Variants in VWA5A observed in about 807,000 individuals in gnomAD.
The protein encoded by VWA5A is von Willebrand factor A domain-containing protein 5A.
Under a neutral mutation model 84.6 loss-of-function variants are expected in VWA5A, and 77 were observed. The observed-to-expected ratio is 0.91, with a 90% CI of 0.76 to 1.10. VWA5A has a LOEUF of 1.10. Ranked by LOEUF, VWA5A falls within the 50% of genes least tolerant of loss-of-function variation. The pLI is 0.00. For synonymous variants in VWA5A, 334 were observed against 350.1 expected, an observed-to-expected ratio of 0.95 and a Z score of 0.51; for missense variants, 973 against 963.0, an observed-to-expected ratio of 1.01 and a Z score of -0.14.
At chr11:124,139,001 A>G (rs1451918039) in intron 15 of VWA5A, among the ~76,000 whole-genome samples, 2 of 152,238 alleles carry the variant, frequency 1.3e-5, no homozygotes, top group African/African-American at 2.4e-5. Context: ...GTGTGTATCC[A>G]GTTTTCCCAA....
Position 124,137,825 on chromosome 11 carries a change from C to T in VWA5A, c.1879+557C>T, listed in dbSNP as rs140259582. Among the ~76,000 whole-genome samples the T allele has an allele frequency of 2.7e-3, 405 of 152,258 alleles. 2 individuals are homozygous for T. The highest frequency in any genetic ancestry group is 9.2e-3 in the African/African-American group (382 of 41,558). ...CCTACTTTCTATCTCTATACATTTG[C>T]CTATCCTGTCTTTATATATTTGTTC... is the stretch of plus-strand genomic sequence containing the variant. On this transcript the variant is annotated intron_variant, in intron 15 of 18. Transcript: ENST00000456829.
Position 124,117,503 on chromosome 11 carries a change from T to C in VWA5A, c.-9T>C. The C allele has an allele frequency of 6.2e-7, 1 of 1,614,224 alleles. No homozygotes were observed. ...TGATATGTCTTTTCTGCAGAAATCT[T>C]GCATCACCATGGTGCACTTCTGTGG... On this transcript the variant is annotated 5_prime_UTR_variant, in exon 3 of 19. Coordinates refer to ENST00000456829, the MANE Select transcript of VWA5A (RefSeq NM_001130142.2).
In VWA5A at chr11:124,141,680, A is replaced by G; in HGVS notation, c.1962A>G (p.Thr654=). The change falls in exon 16 of 19, where the codon ACA becomes ACG. Residue 654 remains threonine, a synonymous_variant. Transcript: ENST00000456829. The part of the protein sequence containing the change: ...RGELMCYKAK[T]FQMDDYSLCG... The stretch of plus-strand genomic sequence containing the variant: ...AACTTATGTGTTATAAGGCCAAGAC[A>G]TTCCAGATGGACGATTACAGTCTCT... 6.2e-7 allele frequency: 1 copy of G among 1,614,166 alleles called. No homozygotes were observed. The highest frequency in any genetic ancestry group is 8.5e-7 in the Non-Finnish European group (1 of 1,180,042).
At chr11:124,136,425 A>T in intron 13 of VWA5A, 132 bp downstream of exon 13, 1 of 1,448,018 alleles carries the variant, frequency 6.9e-7, no homozygotes, top group Non-Finnish European at 9.4e-7. Flanking sequence ...CTTCCTTCCC[A>T]TCATTTCAGG....
intron 7 of VWA5A, among the ~76,000 whole-genome samples, chr11:124,121,054 T>C (rs897841243): frequency 2.6e-5 from 4 of 152,222 alleles, no homozygotes; most frequent in African/African-American, 9.6e-5. Context: ...TCAAGATGAC[T>C]TGCTGTTCTC....
intron 7 of VWA5A, among the ~76,000 whole-genome samples, chr11:124,121,469 A>G (rs1021486132): frequency 2.6e-5 from 4 of 152,060 alleles, no homozygotes; most frequent in African/African-American, 9.7e-5. Flanking sequence ...TTAAAACATT[A>G]TGAAATTATT....
At position 124,123,358 on chromosome 11, in the gene VWA5A, A is replaced by T; in HGVS notation, c.931-8A>T. 6.2e-7 allele frequency: 1 copy of T among 1,612,398 alleles called. No individual in the cohort carries two copies. The highest frequency in any genetic ancestry group is 8.5e-7 in the Non-Finnish European group (1 of 1,179,328). ...TCACTCTGTCTCTTCATACTCTCTT[A>T]CCTTCAGGAAACACTGATTTTGCTG... On this transcript the variant is annotated splice_polypyrimidine_tract_variant and splice_region_variant and intron_variant, in intron 8 of 18. Transcript: ENST00000456829.
In VWA5A at chr11:124,118,380, A is replaced by G. The variant is rs1424661749; in HGVS notation, c.438A>G (p.Pro146=). Reference sequence around the variant, plus strand: ...ATGGGGCTCTGCGCTTTGTGCTCCCAGCTGTCCTGAATCCTAGATACCAGT... The same window carrying G: ...ATGGGGCTCTGCGCTTTGTGCTCCCGGCTGTCCTGAATCCTAGATACCAGT... ...EADGALRFVL[P]AVLNPRYQFS... is the part of the protein sequence containing the mutation. The change falls in exon 5 of 19, where the codon CCA becomes CCG. Residue 146 remains proline (P), a synonymous_variant. Transcript: ENST00000456829. The G allele has an allele frequency of 1.9e-6, 3 of 1,614,130 alleles. No individual in the cohort carries two copies. In the African/African-American group the frequency reaches 4.0e-5, roughly 22 times the overall value.
chr11:124,123,335 A>G (rs1307087934), intron 8 of VWA5A, 31 bp from the exon 9 acceptor site: 3 of 1,601,872 alleles, frequency 1.9e-6, no homozygotes, highest in African/African-American at 2.7e-5. Flanking sequence ...AGCCTCTCTC[A>G]CTCTGTCTCT....
intron 17 of VWA5A, among the ~76,000 whole-genome samples, chr11:124,143,459 G>A (rs905328082): frequency 6.6e-6 from 1 of 152,124 alleles, no homozygotes; most frequent in Admixed American, 6.5e-5. Flanking sequence ...TTGAAACGTG[G>A]CTAATACAAA....
rs1328293140 is a variant in VWA5A at position 124,130,740 on chromosome 11, CT to C, written c.1245-4177del. 2.6e-5 allele frequency among the ~76,000 whole-genome samples: 4 copies of C among 152,182 alleles called. No homozygotes were observed. In the South Asian group the frequency reaches 6.2e-4, roughly 24 times the overall value. On this transcript the variant is annotated intron_variant, in intron 11 of 18. Transcript: ENST00000456829. ...CCCTTTACCATTATGTAATGCCCTT[CT>C]TTGTCGTTTTTTATCAAAAAGCCCT... is the stretch of plus-strand genomic sequence containing the variant.
At chr11:124,124,407 A>T in intron 11 of VWA5A, 91 bp downstream of exon 11, 2 of 1,495,134 alleles carry the variant, frequency 1.3e-6, no homozygotes, top group Non-Finnish European at 1.8e-6. Context: ...ACCTTCCTTC[A>T]AGAGGACCAA....
rs1445126134 is a variant in VWA5A at position 124,136,223 on chromosome 11, C to T, written c.1454C>T (p.Ser485Phe). ...LPPGLSAKML[S>F]PEQTVIFRGQ... ...CCTGGTCTGTCTGCTAAAATGCTTT[C>T]CCCAGAACAGACTGTCATCTTTAGG... Residue 485 changes from serine to phenylalanine, a missense_variant, in exon 13 of 19, where the codon TCC becomes TTC. Coordinates refer to ENST00000456829, the MANE Select transcript of VWA5A (RefSeq NM_001130142.2). 6.2e-7 allele frequency: 1 copy of T among 1,614,066 alleles called. No individual in the cohort carries two copies. Among genetic ancestry groups the T allele is most frequent in the African/African-American group, 1.3e-5 (1 of 74,932 alleles).
intron 15 of VWA5A, among the ~76,000 whole-genome samples, chr11:124,140,235 C>T (rs1860700258): frequency 6.6e-6 from 1 of 152,022 alleles, no homozygotes; most frequent in Admixed American, 6.6e-5. Flanking sequence ...AGGATATTGG[C>T]CTGTAACTTT....
chr11:124,117,231 G>A (rs1364231274), intron 2 of VWA5A: 11 of 525,294 alleles, frequency 2.1e-5, no homozygotes, highest in Non-Finnish European at 3.7e-5. Flanking sequence ...AAGTGGAATT[G>A]GTATTTGAAC....
At chr11:124,124,075 G>A (rs1435044200) in intron 10 of VWA5A, among the ~76,000 whole-genome samples, 162 bp from the exon 11 acceptor site, 3 of 152,232 alleles carry the variant, frequency 2.0e-5, no homozygotes, top group East Asian at 1.9e-4. Context: ...AACAGATCAT[G>A]TGAGAATGTG....
At chr11:124,124,494 AT>A in intron 11 of VWA5A, 178 bp downstream of exon 11, 6 of 1,361,252 alleles carry the variant, frequency 4.4e-6, no homozygotes, top group Non-Finnish European at 5.7e-6. Flanking sequence ...TCCAAATAAC[AT>A]CAACAACACA....
rs192904056 is a variant in VWA5A at position 124,121,142 on chromosome 11, A to G, written c.761-1818A>G. Among the ~76,000 whole-genome samples the G allele has an allele frequency of 1.3e-4, 20 of 152,310 alleles. 1 individual carries two copies. The highest frequency in any genetic ancestry group is 4.6e-4 in the African/African-American group (19 of 41,568). ...ACCATTCAGAGTTCTGCCAAATGAA[A>G]CCTACAGATATATGACAAAAACACA... On this transcript the variant is annotated intron_variant, in intron 7 of 18. Coordinates refer to ENST00000456829, the MANE Select transcript of VWA5A (RefSeq NM_001130142.2).
chr11:124,138,382 C>G (rs1182245799), intron 15 of VWA5A, among the ~76,000 whole-genome samples: 2 of 152,148 alleles, frequency 1.3e-5, no homozygotes, highest in African/African-American at 4.8e-5. Context: ...TCCACAATGG[C>G]TATACTAATT....
Sources: gnomAD v4.1 joint callset for allele counts (sites outside exome capture counted in the v4.1 genomes callset) on GRCh38, gnomAD v4.1.1 for gene constraint, MANE v1.5 for transcripts, NCBI Gene and HGNC (gene_info 2026-07-23, HGNC 2026-07-21) for gene names.